The following MACROD2 variants were observed in gnomAD, a reference collection of about 807,000 sequenced individuals.
MACROD2 encodes the protein mono-ADP ribosylhydrolase 2.
MACROD2 carries 36 observed loss-of-function variants against 70.4 expected under a neutral mutation model. The ratio of observed to expected loss-of-function variants is 0.51; its 90% CI spans 0.39 to 0.68. The LOEUF is 0.68. Among genes scored for constraint, MACROD2 ranks in the 30% least tolerant of loss-of-function variants. The pLI, the probability that MACROD2 is intolerant of heterozygous loss-of-function variation, is 0.00. For synonymous variants in MACROD2, 172 were observed against 178.8 expected, an observed-to-expected ratio of 0.96 and a Z score of 0.30; for missense variants, 496 against 538.4, an observed-to-expected ratio of 0.92 and a Z score of 0.78.
intron 3 of MACROD2, among the ~76,000 whole-genome samples, chr20:14,461,981 A>G (rs1042547710): frequency 2.0e-5 from 3 of 152,094 alleles, no homozygotes; most frequent in Admixed American, 1.3e-4. Context: ...AGCATGATTT[A>G]TAATCCTTTG....
At chr20:14,742,556 A>G (rs956465383) in intron 5 of MACROD2, among the ~76,000 whole-genome samples, 1 of 151,982 alleles carries the variant, frequency 6.6e-6, no homozygotes, top group African/African-American at 2.4e-5. Context: ...CTTTCAATTC[A>G]GCTGTACTAG....
intron 8 of MACROD2, among the ~76,000 whole-genome samples, chr20:15,547,494 A>G (rs2048040670): frequency 6.6e-6 from 1 of 152,190 alleles, no homozygotes; most frequent in East Asian, 1.9e-4. Context: ...TTGTAACTGG[A>G]AGACTAGCCC....
At chr20:15,512,328 TC>T (rs1472735054) in intron 8 of MACROD2, among the ~76,000 whole-genome samples, 2 of 152,284 alleles carry the variant, frequency 1.3e-5, no homozygotes, top group Non-Finnish European at 2.9e-5. Context: ...CCTTTTGCCA[TC>T]TTTTAGAAAG....
chr20:15,136,684 A>G (rs2123292786), intron 5 of MACROD2, among the ~76,000 whole-genome samples: 1 of 152,006 alleles, frequency 6.6e-6, no homozygotes, highest in East Asian at 1.9e-4. Flanking sequence ...ACCAAAAGCA[A>G]TGGCAACAAA....
intron 3 of MACROD2, among the ~76,000 whole-genome samples, chr20:14,373,054 A>T (rs896761507): frequency 6.6e-6 from 1 of 151,936 alleles, no homozygotes; most frequent in Non-Finnish European, 1.5e-5. Context: ...CCTACTAAAG[A>T]CTCTCTATAG....
At chr20:15,859,997 T>C (rs2064403550) in intron 8 of MACROD2, among the ~76,000 whole-genome samples, 1 of 152,116 alleles carries the variant, frequency 6.6e-6, no homozygotes, top group South Asian at 2.1e-4. Flanking sequence ...TAGCCGGGCA[T>C]GGTGGCATGT....
At chr20:15,612,437 A>T (rs1269737675) in intron 8 of MACROD2, among the ~76,000 whole-genome samples, 1 of 152,204 alleles carries the variant, frequency 6.6e-6, no homozygotes, top group Non-Finnish European at 1.5e-5. Flanking sequence ...GTCTTCTCCC[A>T]TTAAGGCCTG....
intron 5 of MACROD2, among the ~76,000 whole-genome samples, chr20:14,739,342 T>C (rs78051021): frequency 0.012 from 1,849 of 151,818 alleles, 41 homozygotes; most frequent in African/African-American, 0.042. Flanking sequence ...GTATGCTACC[T>C]TTTTTGGCAA....
chr20:15,782,368 G>T (rs1459258574), intron 8 of MACROD2, among the ~76,000 whole-genome samples: 1 of 152,014 alleles, frequency 6.6e-6, no homozygotes, highest in African/African-American at 2.4e-5. Flanking sequence ...TCTTCTGGGT[G>T]GTTCTTCTAG....
intron 7 of MACROD2, among the ~76,000 whole-genome samples, chr20:15,449,222 T>G (rs2046608601): frequency 6.6e-6 from 1 of 152,092 alleles, no homozygotes; most frequent in African/African-American, 2.4e-5. Flanking sequence ...CACCTATCCC[T>G]CACTGAGCCT....
intron 8 of MACROD2, among the ~76,000 whole-genome samples, chr20:15,828,878 GA>G (rs1291591839): frequency 1.3e-5 from 2 of 152,168 alleles, no homozygotes; most frequent in African/African-American, 2.4e-5. Flanking sequence ...TTAATCTCAG[GA>G]CATCCTTTAA....
At chr20:15,019,442 C>A (rs1370700542) in intron 5 of MACROD2, among the ~76,000 whole-genome samples, 1 of 152,116 alleles carries the variant, frequency 6.6e-6, no homozygotes, top group Non-Finnish European at 1.5e-5. Flanking sequence ...TTCCACTACA[C>A]CCCTGCTGAC....
intron 5 of MACROD2, among the ~76,000 whole-genome samples, chr20:15,111,255 C>T (rs2123221662): frequency 6.6e-6 from 1 of 151,638 alleles, no homozygotes; most frequent in South Asian, 2.1e-4. Context: ...TCACTGCAAA[C>T]TCTGCCACCT....
Position 14,311,815 on chromosome 20 carries a change from G to A in MACROD2, c.272-181664G>A, listed in dbSNP as rs944405380. Among the ~76,000 whole-genome samples, 17 of 152,216 alleles carry A rather than the reference G, an allele frequency of 1.1e-4. No individual in the cohort carries two copies. The Middle Eastern group carries it at 0.01, about 91-fold the overall frequency. On this transcript the variant is annotated intron_variant, in intron 3 of 17. Transcript: ENST00000684519. ...TTACAGGCGTGAGCCACCGCACCCGGCCTGTATGCATATCTTTGTTGAGGA... is the reference window on the plus strand; with the variant it reads ...TTACAGGCGTGAGCCACCGCACCCGACCTGTATGCATATCTTTGTTGAGGA...
intron 7 of MACROD2, among the ~76,000 whole-genome samples, chr20:15,447,014 G>A (rs1385057870): frequency 6.6e-6 from 1 of 151,718 alleles, no homozygotes; most frequent in Admixed American, 6.6e-5. Flanking sequence ...CTCTGCACAT[G>A]TTAAAGGCAG....
At chr20:15,041,420 G>A (rs2075355398) in intron 5 of MACROD2, among the ~76,000 whole-genome samples, 1 of 151,918 alleles carries the variant, frequency 6.6e-6, no homozygotes, top group African/African-American at 2.4e-5. Flanking sequence ...TCTAGATTTT[G>A]ATTTTTTTAA....
intron 5 of MACROD2, among the ~76,000 whole-genome samples, chr20:14,902,376 C>G (rs1457390930): frequency 6.6e-6 from 1 of 152,162 alleles, no homozygotes; most frequent in African/African-American, 2.4e-5. Flanking sequence ...CCACATTGTT[C>G]CTTGCCTTGC....
In MACROD2 at chr20:14,326,325, G is replaced by C. The variant is rs761689719; in HGVS notation, c.272-167154G>C. The C allele has an allele frequency of 4.3e-5, 70 of 1,613,710 alleles. No individual in the cohort carries two copies. Among genetic ancestry groups the C allele is most frequent in the Non-Finnish European group, 5.3e-5 (63 of 1,179,838 alleles). ...TGGTTTGGTGATCCTTAGTGAGCTT[G>C]GGGTTCTTAATATCTGGCTGTTTGG... On this transcript the variant is annotated intron_variant, in intron 3 of 17. Transcript: ENST00000684519. This position sits in a 1 kb window ranked among gnomAD's most constrained non-coding sequence, Gnocchi z 5.5.
At chr20:14,741,783 AG>A (rs1481586504) in intron 5 of MACROD2, among the ~76,000 whole-genome samples, 2 of 152,112 alleles carry the variant, frequency 1.3e-5, no homozygotes, top group Admixed American at 6.5e-5. Context: ...TATAGTCACA[AG>A]GGGTCATAAA....
Sources: allele counts gnomAD v4.1 joint callset (sites outside exome capture counted in the v4.1 genomes callset), GRCh38; gene constraint gnomAD v4.1.1; non-coding constraint Gnocchi (gnomAD v3.1); transcripts MANE v1.5; gene names NCBI Gene and HGNC (gene_info 2026-07-23, HGNC 2026-07-21).